SMG6: variants seen among roughly 807,000 people sequenced by gnomAD.
The protein encoded by SMG6 is SMG6 nonsense mediated mRNA decay factor, also known as telomerase-binding protein EST1A.
A neutral mutation model predicts 142.2 loss-of-function variants in SMG6; 66 were observed. The observed-to-expected ratio is 0.46, with a 90% confidence interval of 0.38 to 0.57. The LOEUF (loss-of-function observed/expected upper bound fraction) is 0.57, where lower values mean the gene tolerates loss of function less well. SMG6 is among the 20% of genes least tolerant of loss of function. SMG6 has a pLI of 0.00. For missense variants in SMG6, 1,793 were observed against 1,832.0 expected, an observed-to-expected ratio of 0.98 and a Z score of 0.39; for synonymous variants, 779 against 702.4, an observed-to-expected ratio of 1.11 and a Z score of -1.72.
At chr17:2,185,673 G>A (rs2071958061) in intron 12 of SMG6, among the ~76,000 whole-genome samples, 1 of 152,020 alleles carries the variant, frequency 6.6e-6, no homozygotes, top group Admixed American at 6.6e-5. Flanking sequence ...GCGAGGGCAG[G>A]CTCATGGTGA....
chr17:2,067,763 G>C (rs77721906), intron 16 of SMG6, among the ~76,000 whole-genome samples: 3,267 of 152,258 alleles, frequency 0.021, 55 homozygotes, highest in Non-Finnish European at 0.031. Flanking sequence ...AACCCCCCAG[G>C]GTTCTGCAGC....
At chr17:2,288,099 A>C (rs1046735135) in intron 6 of SMG6, among the ~76,000 whole-genome samples, 1 of 152,032 alleles carries the variant, frequency 6.6e-6, no homozygotes, top group East Asian at 1.9e-4. Flanking sequence ...GGATCACCTG[A>C]AGTCTGGAGT....
At chr17:2,092,671 G>A (rs1055219689) in intron 13 of SMG6, among the ~76,000 whole-genome samples, 11 of 152,230 alleles carry the variant, frequency 7.2e-5, no homozygotes, top group Admixed American at 5.9e-4. Flanking sequence ...CAGGGGAACA[G>A]GGGAGTTGTG....
intron 18 of SMG6, chr17:2,063,335 T>G (rs924402853): frequency 5.9e-5 from 9 of 152,276 alleles, no homozygotes; most frequent in Admixed American, 2.0e-4. Context: ...CAACATCGTT[T>G]ACACATAAAC....
chr17:2,240,520 G>A (rs926894355), intron 9 of SMG6, among the ~76,000 whole-genome samples: 1 of 152,158 alleles, frequency 6.6e-6, no homozygotes, highest in Non-Finnish European at 1.5e-5. Context: ...AGAACATAAG[G>A]ACTGGAATGG....
intron 8 of SMG6, among the ~76,000 whole-genome samples, chr17:2,278,456 C>T (rs949017202): frequency 1.3e-5 from 2 of 152,086 alleles, no homozygotes; most frequent in South Asian, 2.1e-4. Context: ...TGGCCCGCTT[C>T]GGCCTCCCAA....
Position 2,128,843 on chromosome 17 carries a change from G to GAGAA in SMG6, c.3358-42946_3358-42943dup, listed in dbSNP as rs751937689. On this transcript the variant is annotated intron_variant, in intron 13 of 18. Coordinates refer to ENST00000263073, the MANE Select transcript of SMG6 (RefSeq NM_017575.5). ...AAAAAAAAAAAAAAAAAGAGAGAGAGAGAAAGAAAGAAAGAAAGAGGAAGA... is the reference window on the plus strand; with the variant it reads ...AAAAAAAAAAAAAAAAAGAGAGAGAGAGAAAGAAAGAAAGAAAGAAAGAGGAAGA... Among the ~76,000 whole-genome samples the GAGAA allele has an allele frequency of 3.7e-3, 553 of 148,816 alleles. 2 individuals are homozygous for GAGAA. Among genetic ancestry groups the GAGAA allele is most frequent in the Admixed American group, 7.8e-3 (116 of 14,876 alleles).
chr17:2,069,040 C>T (rs1409003623), intron 15 of SMG6, 109 bp from the exon 16 acceptor site: 14 of 1,092,746 alleles, frequency 1.3e-5, no homozygotes, highest in Non-Finnish European at 1.9e-5. Flanking sequence ...GGAACCTCTT[C>T]CCCTCCACAG....
intron 13 of SMG6, among the ~76,000 whole-genome samples, chr17:2,143,191 A>C (rs1378032777): frequency 6.6e-6 from 1 of 152,238 alleles, no homozygotes; most frequent in South Asian, 2.1e-4. Context: ...AGTTAAACAC[A>C]GTTTACCATA....
chr17:2,255,432 A>AAAAAAAGG (rs2074149977), intron 8 of SMG6, among the ~76,000 whole-genome samples: 1 of 144,326 alleles, frequency 6.9e-6, no homozygotes. Context: ...AAAAAAAAGA[A>AAAAAAAGG]TGTGATCTTC....
At chr17:2,151,137 T>TA (rs1263711218) in intron 13 of SMG6, among the ~76,000 whole-genome samples, 1 of 152,356 alleles carries the variant, frequency 6.6e-6, no homozygotes, top group East Asian at 1.9e-4. Flanking sequence ...CTTTCAAGAC[T>TA]ACAGGGTCTT....
chr17:2,270,213 A>G (rs116333001), intron 8 of SMG6, among the ~76,000 whole-genome samples: 1,520 of 151,698 alleles, frequency 0.01, 27 homozygotes, highest in African/African-American at 0.034. Flanking sequence ...AGCAATAGGG[A>G]AAAAAAAAGG....
rs551773966 is a variant in SMG6 at position 2,275,665 on chromosome 17, T to C, written c.2661+6982A>G. Among the ~76,000 whole-genome samples the C allele has an allele frequency of 1.2e-3, 189 of 152,246 alleles. 1 individual carries two copies. The highest frequency in any genetic ancestry group is 1.3e-3 in the Non-Finnish European group (87 of 68,018). ...TCCCTGACTGTCAGCAACAACCCAG[T>C]TGACAAGCAGTACCCCGTTTCTAAA... On this transcript the variant is annotated intron_variant, in intron 8 of 18. Transcript: ENST00000263073.
chr17:2,198,754 C>A (rs920159735), intron 10 of SMG6, among the ~76,000 whole-genome samples: 22 of 152,060 alleles, frequency 1.4e-4, no homozygotes, highest in African/African-American at 5.1e-4. Flanking sequence ...GAAAGTTTTA[C>A]ACAGAAAAGG....
chr17:2,261,645 G>A (rs971373182), intron 8 of SMG6, among the ~76,000 whole-genome samples: 18 of 152,182 alleles, frequency 1.2e-4, no homozygotes, highest in South Asian at 2.1e-4. Context: ...GCTACCCCTC[G>A]GTGGACAAAG....
intron 10 of SMG6, among the ~76,000 whole-genome samples, chr17:2,189,670 C>A (rs1030453809): frequency 4.6e-5 from 7 of 152,144 alleles, no homozygotes; most frequent in African/African-American, 1.7e-4. Context: ...GTCAATGGGG[C>A]CCCATTGAAG....
intron 13 of SMG6, among the ~76,000 whole-genome samples, chr17:2,137,889 T>C (rs1200895492): frequency 6.6e-6 from 1 of 152,212 alleles, no homozygotes; most frequent in African/African-American, 2.4e-5. Flanking sequence ...CAGGAGTGCC[T>C]GTCAACCATG....
intron 15 of SMG6, among the ~76,000 whole-genome samples, chr17:2,080,816 T>C (rs1008778204): frequency 6.6e-6 from 1 of 152,072 alleles, no homozygotes; most frequent in African/African-American, 2.4e-5. Flanking sequence ...TTTGTATTTT[T>C]AGTAGAGACA....
intron 8 of SMG6, among the ~76,000 whole-genome samples, chr17:2,255,018 G>A (rs1260788050): frequency 6.6e-6 from 1 of 152,160 alleles, no homozygotes; most frequent in Non-Finnish European, 1.5e-5. Flanking sequence ...GTTCTCAAAA[G>A]TGGTACATTG....
Sources: gnomAD v4.1 joint callset for allele counts (sites outside exome capture counted in the v4.1 genomes callset) on GRCh38, gnomAD v4.1.1 for gene constraint, MANE v1.5 for transcripts, NCBI Gene and HGNC (gene_info 2026-07-23, HGNC 2026-07-21) for gene names.